CYRIB: variants seen among roughly 807,000 people sequenced by gnomAD.
CYRIB encodes CYFIP-related Rac1 interactor B.
CYRIB carries 8 observed loss-of-function variants against 44.2 expected under a neutral mutation model. The ratio of observed to expected loss-of-function variants is 0.18; its 90% CI spans 0.11 to 0.33. The LOEUF (loss-of-function observed/expected upper bound fraction) is 0.33. Ranked by LOEUF, CYRIB falls within the 10% of genes least tolerant of loss-of-function variation. The pLI, the probability that CYRIB is intolerant of heterozygous loss-of-function variation, is 1.00. For synonymous variants in CYRIB, 131 were observed against 127.2 expected (o/e 1.03, Z -0.20); for missense variants, 185 against 382.8 (o/e 0.48, Z 4.31).
At chr8:129,998,012 T>C (rs1416056476) in intron 1 of CYRIB, among the ~76,000 whole-genome samples, 1 of 150,340 alleles carries the variant, frequency 6.7e-6, no homozygotes, top group Admixed American at 6.7e-5. Context: ...TCCCAGCTAC[T>C]CAGGGGGCTG....
intron 3 of CYRIB, among the ~76,000 whole-genome samples, chr8:129,875,821 C>A (rs1265925682): frequency 6.6e-6 from 1 of 152,116 alleles, no homozygotes; most frequent in Non-Finnish European, 1.5e-5. Flanking sequence ...ATCAGAAAGT[C>A]TTCCATGATG....
At position 129,924,105 on chromosome 8, in the gene CYRIB, AC is replaced by A. The variant is rs1419353964; in HGVS notation, c.-50+15502del. On this transcript the variant is annotated intron_variant, in intron 1 of 11. Transcript: ENST00000519824. ...GGGCAATCAGTGAGATTCTATCTCCACCCCAAAAAAAAAAAAAAAAAATTAG... is the reference window on the plus strand; with the variant it reads ...GGGCAATCAGTGAGATTCTATCTCCACCCAAAAAAAAAAAAAAAAAATTAG... Among the ~76,000 whole-genome samples the A allele has an allele frequency of 4.6e-3, 66 of 14,378 alleles. No homozygotes were observed. In the South Asian group the frequency reaches 0.19, roughly 40 times the overall value. The allele number at this position is 14,378 out of a possible 152,430, so 9.4% of individuals were successfully genotyped here.
intron 1 of CYRIB, among the ~76,000 whole-genome samples, chr8:129,992,182 G>A (rs2096656209): frequency 6.6e-6 from 1 of 151,788 alleles, no homozygotes; most frequent in Non-Finnish European, 1.5e-5. Context: ...TTGGATAGGT[G>A]TGATGATGCA....
intron 3 of CYRIB, among the ~76,000 whole-genome samples, chr8:129,877,837 A>C (rs2059660290): frequency 6.6e-6 from 1 of 152,164 alleles, no homozygotes; most frequent in South Asian, 2.1e-4. Flanking sequence ...AGTCTTGAAC[A>C]AGATCTTGAC....
At chr8:129,916,135 A>C (rs2080645777) in intron 1 of CYRIB, among the ~76,000 whole-genome samples, 1 of 152,184 alleles carries the variant, frequency 6.6e-6, no homozygotes, top group African/African-American at 2.4e-5. Flanking sequence ...CAAATCTTCT[A>C]TTCTACTTTC....
intron 2 of CYRIB, among the ~76,000 whole-genome samples, chr8:129,886,152 T>C (rs1360798919): frequency 6.6e-6 from 1 of 152,208 alleles, no homozygotes; most frequent in Non-Finnish European, 1.5e-5. Flanking sequence ...TAGCTGTTTC[T>C]TTCCACCTTT....
chr8:130,007,584 A>T (rs2097131130), intron 1 of CYRIB, among the ~76,000 whole-genome samples: 1 of 151,920 alleles, frequency 6.6e-6, no homozygotes, highest in South Asian at 2.1e-4. Flanking sequence ...CAGGAGTTCG[A>T]GACCAGCCTG....
chr8:129,884,678 C>T (rs2062044742), intron 2 of CYRIB, among the ~76,000 whole-genome samples: 1 of 152,166 alleles, frequency 6.6e-6, no homozygotes, highest in Admixed American at 6.5e-5. Context: ...CTAAGTCTTA[C>T]TATCTGAATT....
intron 2 of CYRIB, among the ~76,000 whole-genome samples, chr8:129,888,581 C>T (rs1432613989): frequency 6.6e-6 from 1 of 152,140 alleles, no homozygotes; most frequent in Non-Finnish European, 1.5e-5. Context: ...GAGCTACCTA[C>T]CCACCTATAA....
rs775949502 is a variant in CYRIB at position 129,842,239 on chromosome 8, GA to G, written c.912-35del. The G allele has an allele frequency of 2.0e-5, 30 of 1,492,552 alleles. 1 individual carries two copies. In the Middle Eastern group the frequency reaches 1.2e-3, roughly 60 times the overall value. 92.5% of individuals were successfully genotyped at this position (1,492,552 alleles called of 1,614,324 possible). On this transcript the variant is annotated intron_variant, in intron 11 of 11. Coordinates refer to ENST00000519824, the Ensembl canonical transcript of CYRIB. ...AGAAAAGAAAAAAGATCAATTTTAG[GA>G]ACTTAAAAAATAATCAGCATCGGGT... is the stretch of plus-strand genomic sequence containing the variant.
At chr8:129,987,987 TAA>T (rs930952548) in intron 1 of CYRIB, among the ~76,000 whole-genome samples, 4 of 152,202 alleles carry the variant, frequency 2.6e-5, no homozygotes, top group African/African-American at 7.2e-5. Flanking sequence ...GTCTTCAATG[TAA>T]AGTTTTTGTA....
Position 129,850,861 on chromosome 8 carries a change from A to G in CYRIB, c.687T>C (p.Ser229=), listed in dbSNP as rs147164207. 1.0e-4 allele frequency: 161 copies of G among 1,613,280 alleles called. No individual in the cohort carries two copies. In the African/African-American group the frequency reaches 2.0e-3, roughly 20 times the overall value. Reference sequence around the variant, plus strand: ...GTGTTTCCAGCATGACTCTGCATACACTAGCCATTGTGCTTAAACAATCTG... The same window carrying G: ...GTGTTTCCAGCATGACTCTGCATACGCTAGCCATTGTGCTTAAACAATCTG... The change falls in exon 9 of 12, where the codon AGT becomes AGC. Residue 229 remains serine (S), a synonymous_variant. Coordinates refer to ENST00000519824, the Ensembl canonical transcript of CYRIB.
chr8:129,941,273 A>ATT (rs11418510), upstream of CYRIB, among the ~76,000 whole-genome samples: 28,211 of 125,630 alleles, frequency 0.22, 3,714 homozygotes, highest in Non-Finnish European at 0.27. Context: ...ACTGAAGGAG[A>ATT]TTTTTTTTTT....
chr8:129,933,888 A>AC (rs937986147), intron 1 of CYRIB, among the ~76,000 whole-genome samples: 1 of 133,728 alleles, frequency 7.5e-6, no homozygotes, highest in African/African-American at 3.0e-5. Flanking sequence ...TCACACACAC[A>AC]AAAAAAAAAA....
chr8:129,901,771 T>A (rs928552577), intron 2 of CYRIB: 2 of 152,154 alleles, frequency 1.3e-5, no homozygotes, highest in African/African-American at 4.8e-5. Context: ...ATAGAAACCA[T>A]GGGTATTTTT....
chr8:129,913,697 A>C (rs1475375720), intron 1 of CYRIB, among the ~76,000 whole-genome samples: 1 of 152,156 alleles, frequency 6.6e-6, no homozygotes, highest in Non-Finnish European at 1.5e-5. Flanking sequence ...TCTGGAGCCA[A>C]ACTGTGAGCC....
intron 1 of CYRIB, among the ~76,000 whole-genome samples, chr8:129,927,162 C>T (rs907793142): frequency 1.3e-5 from 2 of 151,982 alleles, no homozygotes; most frequent in Non-Finnish European, 2.9e-5. Flanking sequence ...TATGGTGGTG[C>T]GTGCCTGTAA....
intron 1 of CYRIB, among the ~76,000 whole-genome samples, chr8:129,998,119 C>CAA (rs34658935): frequency 6.6e-4 from 61 of 93,070 alleles, no homozygotes; most frequent in East Asian, 1.2e-3. Flanking sequence ...GACTCTGTCT[C>CAA]AAAAAAAAAA....
chr8:129,972,054 T>C (rs375146273), intron 1 of CYRIB, among the ~76,000 whole-genome samples: 5 of 152,216 alleles, frequency 3.3e-5, no homozygotes, highest in South Asian at 2.1e-4. Context: ...TTGCTTTTCA[T>C]TGGGTGCTGA....
Sources: gnomAD v4.1 joint callset for allele counts (sites outside exome capture counted in the v4.1 genomes callset) on GRCh38, gnomAD v4.1.1 for gene constraint, MANE v1.5 for transcripts, NCBI Gene and HGNC (gene_info 2026-07-23, HGNC 2026-07-21) for gene names.